Variants in CUX2 observed in about 807,000 individuals in gnomAD.
CUX2 encodes the protein homeobox protein cut-like 2.
CUX2 carries 40 observed loss-of-function variants against 144.8 expected under a neutral mutation model. The observed-to-expected ratio is 0.28, with a 90% CI of 0.21 to 0.36. The LOEUF is 0.36. CUX2 is among the 10% of genes least tolerant of loss of function. CUX2 has a pLI of 1.00. For missense variants in CUX2, 1,615 were observed against 1,994.0 expected (o/e 0.81, Z 3.62); for synonymous variants, 827 against 875.6 (o/e 0.94, Z 0.98).
At chr12:111,168,856 G>A (rs1249442046) in intron 1 of CUX2, among the ~76,000 whole-genome samples, 1 of 152,144 alleles carries the variant, frequency 6.6e-6, no homozygotes, top group African/African-American at 2.4e-5. Flanking sequence ...TTGAACTTTT[G>A]TGGAATGCTC....
chr12:111,163,625 C>A (rs1403485419), intron 1 of CUX2, among the ~76,000 whole-genome samples: 1 of 152,168 alleles, frequency 6.6e-6, no homozygotes, highest in African/African-American at 2.4e-5. Flanking sequence ...ACTGCTGGAT[C>A]CAGCCATACC....
At chr12:111,258,602 A>G (rs1022772953) in intron 3 of CUX2, among the ~76,000 whole-genome samples, 1 of 152,022 alleles carries the variant, frequency 6.6e-6, no homozygotes, top group Non-Finnish European at 1.5e-5. Flanking sequence ...ATGAGGCAGG[A>G]AATCTACACG....
intron 3 of CUX2, among the ~76,000 whole-genome samples, chr12:111,227,420 C>G (rs145757659): frequency 2.0e-5 from 3 of 152,136 alleles, no homozygotes; most frequent in African/African-American, 4.8e-5. Context: ...GGGGACCTAC[C>G]TCCTAGGGAG....
intron 1 of CUX2, among the ~76,000 whole-genome samples, chr12:111,112,237 G>T (rs1334825644): frequency 6.6e-6 from 1 of 151,884 alleles, no homozygotes; most frequent in Non-Finnish European, 1.5e-5. Flanking sequence ...AGTCTGGGTG[G>T]GTGGGTTTTA....
At chr12:111,047,406 C>T (rs948209899) in intron 1 of CUX2, among the ~76,000 whole-genome samples, 13 of 152,128 alleles carry the variant, frequency 8.5e-5, no homozygotes, top group African/African-American at 3.1e-4. Flanking sequence ...ACCAGCCACA[C>T]TCTACAGTTC....
rs34368745 is a variant in CUX2, at chr12:111,295,751, C to CTAAT, written c.637+368_637+371dup. On this transcript the variant is annotated intron_variant, in intron 7 of 21. Transcript: ENST00000261726. This position sits in a 1 kb window ranked among gnomAD's most constrained non-coding sequence, Gnocchi z 5.0. The stretch of plus-strand genomic sequence containing the variant: ...TGGGCAACATGGCAAGACCCTGTCT[C>CTAAT]TAATTAATTAATTAATTAATTAATT... Among the ~76,000 whole-genome samples the CTAAT allele has an allele frequency of 0.24, 36,037 of 147,214 alleles. 5,585 individuals carry two copies. The highest frequency in any genetic ancestry group is 0.48 in the East Asian group (1,697 of 3,544).
At chr12:111,188,617 A>G (rs1879694980) in intron 1 of CUX2, among the ~76,000 whole-genome samples, 2 of 152,086 alleles carry the variant, frequency 1.3e-5, no homozygotes, top group African/African-American at 4.8e-5. Flanking sequence ...AAAGAACGTC[A>G]GAGTGGTTGG....
intron 8 of CUX2, among the ~76,000 whole-genome samples, chr12:111,297,908 A>C (rs1001028461): frequency 6.6e-6 from 1 of 152,136 alleles, no homozygotes; most frequent in Non-Finnish European, 1.5e-5. Context: ...TCCTTTATCC[A>C]GGGTAGTCAG....
At chr12:111,272,354 C>T (rs940238920) in intron 4 of CUX2, among the ~76,000 whole-genome samples, 4 of 152,050 alleles carry the variant, frequency 2.6e-5, no homozygotes, top group African/African-American at 9.7e-5. Flanking sequence ...TCAGTTAGTC[C>T]CATAATGGTC....
At chr12:111,124,642 T>C (rs1042743096) in intron 1 of CUX2, among the ~76,000 whole-genome samples, 10 of 152,220 alleles carry the variant, frequency 6.6e-5, no homozygotes, top group Non-Finnish European at 1.2e-4. Context: ...TTTCTTTTTC[T>C]TTTTCGACTT....
intron 1 of CUX2, among the ~76,000 whole-genome samples, chr12:111,105,929 A>T (rs1280176019): frequency 6.8e-6 from 1 of 147,274 alleles, no homozygotes; most frequent in Non-Finnish European, 1.5e-5. Flanking sequence ...CAGTGCCATG[A>T]TCATGGCTCA....
rs560462806 is a variant in CUX2 at position 111,188,895 on chromosome 12, C to T, written c.64-25305C>T. Among the ~76,000 whole-genome samples the T allele has an allele frequency of 2.0e-3, 303 of 152,206 alleles. 5 individuals are homozygous for T. Among genetic ancestry groups the T allele is most frequent in the African/African-American group, 7.2e-3 (299 of 41,512 alleles). Reference sequence around the variant, plus strand: ...GGTGAGAGAGGATGGGCTTTGTGGCCGTAGAGACAGCAAGATGTGGGCAGA... The same window carrying T: ...GGTGAGAGAGGATGGGCTTTGTGGCTGTAGAGACAGCAAGATGTGGGCAGA... On this transcript the variant is annotated intron_variant, in intron 1 of 21. Coordinates refer to ENST00000261726, the MANE Select transcript of CUX2 (RefSeq NM_015267.4).
chr12:111,127,573 A>T (rs1230627738), intron 1 of CUX2, among the ~76,000 whole-genome samples: 1 of 152,210 alleles, frequency 6.6e-6, no homozygotes, highest in Admixed American at 6.5e-5. Flanking sequence ...TCAGTGGAAT[A>T]AGTGTATCTC....
Position 111,287,427 on chromosome 12 carries a change from C to T in CUX2, c.302-3991C>T, listed in dbSNP as rs1019391338. On this transcript the variant is annotated intron_variant, in intron 4 of 21. Transcript: ENST00000261726. The surrounding 1 kb of genome is among the most constrained non-coding windows in gnomAD (Gnocchi z 4.2). The stretch of plus-strand genomic sequence containing the variant: ...CTCGTTGCCTTTTTTCCTCCTGTCT[C>T]AAAAACCGGGACACAATAGGAAGCG... Among the ~76,000 whole-genome samples, 33 of 152,240 alleles carry T rather than the reference C, an allele frequency of 2.2e-4. No individual in the cohort carries two copies. The highest frequency in any genetic ancestry group is 8.0e-4 in the African/African-American group (33 of 41,466).
At chr12:111,144,141 G>C (rs944792216) in intron 1 of CUX2, among the ~76,000 whole-genome samples, 1 of 152,170 alleles carries the variant, frequency 6.6e-6, no homozygotes, top group Non-Finnish European at 1.5e-5. Flanking sequence ...TTAAAGGCCA[G>C]GCCTGGGCCT....
chr12:111,243,694 T>A (rs1333452223), intron 3 of CUX2, among the ~76,000 whole-genome samples: 1 of 151,798 alleles, frequency 6.6e-6, no homozygotes, highest in Non-Finnish European at 1.5e-5. Context: ...AGTAGAGTGA[T>A]CAACTGTCAC....
At chr12:111,330,289 C>T (rs1888029145) in intron 18 of CUX2, among the ~76,000 whole-genome samples, 1 of 152,060 alleles carries the variant, frequency 6.6e-6, no homozygotes, top group African/African-American at 2.4e-5. Flanking sequence ...GCCCAGAGCC[C>T]CTGCCCCACC....
intron 19 of CUX2, among the ~76,000 whole-genome samples, chr12:111,336,835 G>A (rs1176161797): frequency 2.6e-5 from 4 of 151,214 alleles, no homozygotes; most frequent in Admixed American, 6.6e-5. Context: ...TTTTTTTTCT[G>A]TGTAGACGAA....
chr12:111,148,324 A>G (rs1876826591), intron 1 of CUX2, among the ~76,000 whole-genome samples: 1 of 150,738 alleles, frequency 6.6e-6, no homozygotes, highest in African/African-American at 2.4e-5. Flanking sequence ...TCCCTAGAGT[A>G]GTCAAATCCA....
Sources: allele counts gnomAD v4.1 joint callset (sites outside exome capture counted in the v4.1 genomes callset), GRCh38; gene constraint gnomAD v4.1.1; non-coding constraint Gnocchi (gnomAD v3.1); transcripts MANE v1.5; gene names NCBI Gene and HGNC (gene_info 2026-07-23, HGNC 2026-07-21).